The following CNTN1 variants were observed in gnomAD, a reference collection of about 807,000 sequenced individuals.
The protein encoded by CNTN1 is contactin-1.
CNTN1 carries 38 observed loss-of-function variants against 126.4 expected under a neutral mutation model. That is an observed-to-expected ratio of 0.30 (90% CI 0.23 to 0.39). The LOEUF (loss-of-function observed/expected upper bound fraction) is 0.39. Among genes scored for constraint, CNTN1 ranks in the 10% least tolerant of loss-of-function variants. CNTN1 has a pLI of 1.00. For missense variants in CNTN1, 1,009 were observed against 1,248.4 expected (o/e 0.81, Z 2.89); for synonymous variants, 413 against 422.6 (o/e 0.98, Z 0.28).
At chr12:41,037,211 T>A (rs1388872684) in intron 23 of CNTN1, among the ~76,000 whole-genome samples, 2 of 152,152 alleles carry the variant, frequency 1.3e-5, no homozygotes, top group Non-Finnish European at 2.9e-5. Flanking sequence ...GAATTCTGAT[T>A]ATAAAAGTTC....
chr12:40,717,871 A>G (rs1251723261), intron 1 of CNTN1, among the ~76,000 whole-genome samples: 3 of 152,198 alleles, frequency 2.0e-5, no homozygotes, highest in Admixed American at 1.3e-4. Context: ...TTAGGTCTAT[A>G]TTAATCAGCT....
At chr12:40,990,485 A>G (rs895288355) in intron 16 of CNTN1, among the ~76,000 whole-genome samples, 2 of 152,080 alleles carry the variant, frequency 1.3e-5, no homozygotes, top group Non-Finnish European at 2.9e-5. Context: ...CACTCGTTAA[A>G]ATCAAAGCCT....
chr12:40,971,195 T>G (rs1182612136), intron 15 of CNTN1, among the ~76,000 whole-genome samples: 1 of 152,188 alleles, frequency 6.6e-6, no homozygotes, highest in African/African-American at 2.4e-5. Flanking sequence ...GTTACAACGC[T>G]TGCTCCTTAG....
intron 1 of CNTN1, chr12:40,742,428 C>T (rs1859184968): frequency 6.6e-6 from 1 of 152,070 alleles, no homozygotes; most frequent in South Asian, 2.1e-4. Flanking sequence ...TCCAAATTCA[C>T]TTGCATTTAA....
chr12:41,025,006 G>A (rs956985162), intron 20 of CNTN1, 144 bp from the exon 21 acceptor site: 5 of 843,068 alleles, frequency 5.9e-6, no homozygotes, highest in Non-Finnish European at 8.0e-6. Context: ...TTCTAAGGCT[G>A]ATAAAAGGGT....
At chr12:40,828,211 C>T (rs991056456) in intron 1 of CNTN1, 7 of 151,974 alleles carry the variant, frequency 4.6e-5, no homozygotes, top group Admixed American at 2.6e-4. Context: ...AGGAGAGAGG[C>T]GTATTGTGGT....
At chr12:40,714,317 T>G (rs1466368589) in intron 1 of CNTN1, among the ~76,000 whole-genome samples, 6 of 152,114 alleles carry the variant, frequency 3.9e-5, no homozygotes, top group Non-Finnish European at 8.8e-5. Flanking sequence ...GGTTGCTGGA[T>G]AGTAACTGTA....
intron 23 of CNTN1, among the ~76,000 whole-genome samples, chr12:41,049,612 C>A (rs1052294789): frequency 1.3e-5 from 2 of 152,214 alleles, no homozygotes; most frequent in African/African-American, 4.8e-5. Context: ...TTGTGCTCTT[C>A]GCTTGGTGCT....
intron 15 of CNTN1, among the ~76,000 whole-genome samples, chr12:40,974,673 C>T (rs1947623303): frequency 6.6e-6 from 1 of 152,022 alleles, no homozygotes; most frequent in Non-Finnish European, 1.5e-5. Flanking sequence ...ATTGATTAGG[C>T]TCAGATTCTA....
At chr12:40,833,124 C>T (rs1335206997) in intron 1 of CNTN1, among the ~76,000 whole-genome samples, 3 of 152,052 alleles carry the variant, frequency 2.0e-5, no homozygotes, top group East Asian at 3.9e-4. Context: ...GGCGCAGTCT[C>T]GGCTCACGGC....
chr12:40,967,805 C>T (rs1947361839), intron 15 of CNTN1, among the ~76,000 whole-genome samples: 2 of 151,602 alleles, frequency 1.3e-5, no homozygotes, highest in South Asian at 4.2e-4. Flanking sequence ...TGGTAAAATA[C>T]TACATTTTTC....
At chr12:40,698,150 T>C (rs1591983509) in intron 1 of CNTN1, among the ~76,000 whole-genome samples, 1 of 151,458 alleles carries the variant, frequency 6.6e-6, no homozygotes, top group African/African-American at 2.4e-5. Context: ...AGAGCATAGG[T>C]GTTAAGAGTT....
intron 1 of CNTN1, among the ~76,000 whole-genome samples, chr12:40,870,978 G>T (rs1943468062): frequency 6.6e-6 from 1 of 152,012 alleles, no homozygotes; most frequent in African/African-American, 2.4e-5. Flanking sequence ...AAGCATACCT[G>T]AATTTTGTGC....
At position 40,811,816 on chromosome 12, in the gene CNTN1, C is replaced by A. The variant is rs146595923; in HGVS notation, c.-76-96541C>A. Among the ~76,000 whole-genome samples the A allele has an allele frequency of 2.4e-4, 20 of 82,384 alleles. No individual in the cohort carries two copies. The East Asian group carries it at 9.5e-3, about 39-fold the overall frequency. The allele number at this position is 82,384 out of a possible 152,430, so 54.0% of individuals were successfully genotyped here. ...CTTCGTCTCACTGAAGGTTTGTTAA[C>A]TTTATCTTTTCAAAAAAAAAAAAAC... On this transcript the variant is annotated intron_variant, in intron 1 of 23. Coordinates refer to ENST00000551295, the MANE Select transcript of CNTN1 (RefSeq NM_001843.4).
chr12:40,943,464 T>A (rs1946328737), intron 12 of CNTN1, 133 bp from the exon 13 acceptor site: 1 of 683,726 alleles, frequency 1.5e-6, no homozygotes, highest in Non-Finnish European at 2.4e-6. Flanking sequence ...TTTGTCATCT[T>A]ACAAAAATGT....
At chr12:40,863,002 A>T (rs1253355508) in intron 1 of CNTN1, among the ~76,000 whole-genome samples, 4 of 152,210 alleles carry the variant, frequency 2.6e-5, no homozygotes, top group African/African-American at 9.6e-5. Context: ...TAAAGAAAGC[A>T]TGTTTTAACT....
chr12:40,969,744 A>G (rs1388825208), intron 15 of CNTN1, among the ~76,000 whole-genome samples: 1 of 152,188 alleles, frequency 6.6e-6, no homozygotes, highest in East Asian at 1.9e-4. Flanking sequence ...TGAAGAGCCA[A>G]CACCTTCACC....
chr12:40,899,111 A>G (rs1408407319), intron 1 of CNTN1, among the ~76,000 whole-genome samples: 1 of 152,200 alleles, frequency 6.6e-6, no homozygotes, highest in Non-Finnish European at 1.5e-5. Flanking sequence ...ATTTCTTTAC[A>G]GGTCTTATCC....
intron 17 of CNTN1, among the ~76,000 whole-genome samples, chr12:40,995,588 C>T (rs1411423423): frequency 6.6e-6 from 1 of 152,122 alleles, no homozygotes; most frequent in Non-Finnish European, 1.5e-5. Flanking sequence ...TACATTTTCT[C>T]AAATGGTATT....
Sources: gnomAD v4.1 joint callset for allele counts (sites outside exome capture counted in the v4.1 genomes callset) on GRCh38, gnomAD v4.1.1 for gene constraint, MANE v1.5 for transcripts, NCBI Gene and HGNC (gene_info 2026-07-23, HGNC 2026-07-21) for gene names.